PSMD14: variants seen among roughly 807,000 people sequenced by gnomAD.
PSMD14 encodes the protein ubiquitin C-terminal hydrolase PSMD14.
PSMD14 carries 7 observed loss-of-function variants against 41.2 expected under a neutral mutation model. That is an observed-to-expected ratio of 0.17 (90% CI 0.10 to 0.32). PSMD14 has a LOEUF of 0.32. Among genes scored for constraint, PSMD14 ranks in the 10% least tolerant of loss-of-function variants. The probability of loss-of-function intolerance (pLI) is 1.00; values close to 1 mark genes in which losing one functional copy is unlikely to be tolerated. For missense variants in PSMD14, 139 were observed against 375.6 expected (o/e 0.37, Z 5.21); for synonymous variants, 114 against 122.3 (o/e 0.93, Z 0.45).
intron 3 of PSMD14, among the ~76,000 whole-genome samples, chr2:161,361,833 G>A (rs1462652372): frequency 1.3e-5 from 2 of 152,048 alleles, no homozygotes; most frequent in African/African-American, 4.8e-5. Context: ...ATTGTTACTC[G>A]TAAGCAGCAT....
intron 10 of PSMD14, among the ~76,000 whole-genome samples, chr2:161,396,765 T>G (rs1447807231): frequency 6.6e-6 from 1 of 152,150 alleles, no homozygotes; most frequent in African/African-American, 2.4e-5. Flanking sequence ...AAAAAGTTTC[T>G]GAAGTCTAGT....
chr2:161,318,236 A>G (rs1278301452), intron 2 of PSMD14, among the ~76,000 whole-genome samples: 1 of 152,176 alleles, frequency 6.6e-6, no homozygotes, highest in African/African-American at 2.4e-5. Context: ...TAATATGTTT[A>G]ATGTTTATGC....
At chr2:161,366,163 G>T (rs1683355022) in intron 3 of PSMD14, among the ~76,000 whole-genome samples, 1 of 152,074 alleles carries the variant, frequency 6.6e-6, no homozygotes, top group Non-Finnish European at 1.5e-5. Context: ...CAATAAAACT[G>T]CATTAGGTGA....
intron 7 of PSMD14, chr2:161,385,016 T>C (rs1424719919): frequency 6.6e-6 from 1 of 152,172 alleles, no homozygotes; most frequent in East Asian, 1.9e-4. Flanking sequence ...GTAATTTTGT[T>C]GTCATTTCAA....
At chr2:161,312,355 G>A (rs999817658) in intron 1 of PSMD14, among the ~76,000 whole-genome samples, 4 of 152,078 alleles carry the variant, frequency 2.6e-5, no homozygotes, top group Non-Finnish European at 4.4e-5. Context: ...TGTTGGCCAG[G>A]CTGGTCTTGA....
chr2:161,327,946 CTGTG>C (rs369674882), intron 3 of PSMD14, among the ~76,000 whole-genome samples: 118 of 117,178 alleles, frequency 1.0e-3, no homozygotes, highest in African/African-American at 3.2e-3. Context: ...CTCATGTAAG[CTGTG>C]TGTGTGTGTG....
chr2:161,322,605 G>T (rs1250969051), intron 3 of PSMD14, among the ~76,000 whole-genome samples: 1 of 151,952 alleles, frequency 6.6e-6, no homozygotes, highest in African/African-American at 2.4e-5. Context: ...GGCCGGGCTG[G>T]TCTTGAACTC....
At chr2:161,341,265 A>G in intron 3 of PSMD14, 2 of 1,012,522 alleles carry the variant, frequency 2.0e-6, no homozygotes, top group Non-Finnish European at 2.4e-6. Flanking sequence ...CCAGGCGAGC[A>G]GAAGGGCCAG....
At chr2:161,328,831 G>A (rs115533501) in intron 3 of PSMD14, among the ~76,000 whole-genome samples, 87 of 152,164 alleles carry the variant, frequency 5.7e-4, no homozygotes, top group African/African-American at 2.1e-3. Context: ...ACTTTATAAT[G>A]TTCTCTCTTT....
chr2:161,400,041 G>C (rs997140842), intron 10 of PSMD14, among the ~76,000 whole-genome samples: 1 of 152,142 alleles, frequency 6.6e-6, no homozygotes, highest in African/African-American at 2.4e-5. Flanking sequence ...TGTGTGTGAG[G>C]CAGGAGACTC....
intron 7 of PSMD14, among the ~76,000 whole-genome samples, chr2:161,376,583 C>T (rs1683506320): frequency 6.6e-6 from 1 of 151,858 alleles, no homozygotes; most frequent in Non-Finnish European, 1.5e-5. Flanking sequence ...GCTAACTAAT[C>T]TAGGAATACT....
In PSMD14 at chr2:161,364,708, G is replaced by A. The variant is rs1198335008; in HGVS notation, c.49-2770G>A. ...GTCCCATTGATGGTGTATTATATGCGATTTCTCTCTCTCTCTGGCAGTATT... is the reference window on the plus strand; with the variant it reads ...GTCCCATTGATGGTGTATTATATGCAATTTCTCTCTCTCTCTGGCAGTATT... On this transcript the variant is annotated intron_variant, in intron 3 of 11. Coordinates refer to ENST00000409682, the MANE Select transcript of PSMD14 (RefSeq NM_005805.6). 3.3e-5 allele frequency among the ~76,000 whole-genome samples: 5 copies of A among 152,106 alleles called. No homozygotes were observed. In the East Asian group the frequency reaches 7.7e-4, roughly 23 times the overall value.
chr2:161,341,839 A>C (rs1463385418), intron 3 of PSMD14, among the ~76,000 whole-genome samples: 2 of 134,340 alleles, frequency 1.5e-5, no homozygotes, highest in African/African-American at 5.7e-5. Flanking sequence ...CTCCTTCTCC[A>C]AAAAAAAAAA....
intron 3 of PSMD14, among the ~76,000 whole-genome samples, chr2:161,326,668 A>T (rs1682703802): frequency 6.6e-6 from 1 of 152,146 alleles, no homozygotes. Context: ...TCCCTCAACA[A>T]ATGAATGGAT....
chr2:161,366,240 G>A (rs887793318), intron 3 of PSMD14, among the ~76,000 whole-genome samples: 2 of 152,078 alleles, frequency 1.3e-5, no homozygotes, highest in African/African-American at 2.4e-5. Flanking sequence ...AATTAAATTT[G>A]AGGGACTTGA....
chr2:161,311,807 G>T (rs1306668791), intron 1 of PSMD14, among the ~76,000 whole-genome samples: 1 of 151,690 alleles, frequency 6.6e-6, no homozygotes, highest in Non-Finnish European at 1.5e-5. Flanking sequence ...TAGAGACCAG[G>T]TTTCGCCATG....
chr2:161,348,731 T>C (rs1408409243), intron 3 of PSMD14, among the ~76,000 whole-genome samples: 3 of 152,196 alleles, frequency 2.0e-5, no homozygotes, highest in Non-Finnish European at 4.4e-5. Context: ...CGGTGACATC[T>C]GAGGATATGG....
intron 3 of PSMD14, among the ~76,000 whole-genome samples, chr2:161,319,636 A>T (rs116577030): frequency 1.4e-4 from 22 of 152,280 alleles, no homozygotes; most frequent in Non-Finnish European, 2.2e-4. Context: ...TTGTTTTATG[A>T]CCAAATATTA....
intron 3 of PSMD14, among the ~76,000 whole-genome samples, chr2:161,326,463 T>C (rs575904538): frequency 1.5e-4 from 23 of 152,212 alleles, no homozygotes; most frequent in Non-Finnish European, 2.8e-4. Flanking sequence ...GGTAGAAATG[T>C]AAAATGGTAC....
Sources: allele counts gnomAD v4.1 joint callset (sites outside exome capture counted in the v4.1 genomes callset), GRCh38; gene constraint gnomAD v4.1.1; transcripts MANE v1.5; gene names NCBI Gene and HGNC (gene_info 2026-07-23, HGNC 2026-07-21).